ENO4: variants seen among roughly 807,000 people sequenced by gnomAD.
ENO4 encodes the protein 2-phospho-D-glycerate hydro-lyase.
A neutral mutation model predicts 63.2 loss-of-function variants in ENO4; 53 were observed. The observed-to-expected ratio is 0.84, with a 90% CI of 0.67 to 1.05. The LOEUF (loss-of-function observed/expected upper bound fraction) is 1.05, where lower values mean the gene tolerates loss of function less well. ENO4 is among the 50% of genes least tolerant of loss of function. The pLI, the probability that ENO4 is intolerant of heterozygous loss-of-function variation, is 0.00. For missense variants in ENO4, 719 were observed against 772.0 expected (o/e 0.93, Z 0.81); for synonymous variants, 266 against 283.8 (o/e 0.94, Z 0.63).
In ENO4 at chr10:116,861,130, G is replaced by A. The variant is rs1846397861; in HGVS notation, c.876G>A (p.Gly292=). 1.3e-6 allele frequency: 2 copies of A among 1,546,882 alleles called. No homozygotes were observed. Among genetic ancestry groups the A allele is most frequent in the Non-Finnish European group, 1.7e-6 (2 of 1,144,970 alleles). Residue 292 remains glycine (G), a synonymous_variant, in exon 6 of 14, where the codon GGG becomes GGA. Transcript: ENST00000341276. The part of the protein sequence containing the change: ...SLVSCGKSSS[G]KLNLMKEVIC... ...TCAGCTGTGGGAAGTCATCATCTGG[G>A]AAGCTAAATTTAATGAAAGAAGTGA...
intron 10 of ENO4, chr10:116,906,816 T>G: frequency 7.9e-7 from 1 of 1,273,746 alleles, no homozygotes; most frequent in Non-Finnish European, 1.1e-6. Context: ...AATATAAAAA[T>G]CAAACCATGA....
At chr10:116,901,233 T>C (rs2133323368) in intron 10 of ENO4, 1 of 985,160 alleles carries the variant, frequency 1.0e-6, no homozygotes, top group East Asian at 1.1e-4. Flanking sequence ...ATAGCAGGAT[T>C]AACTCTTTGA....
intron 10 of ENO4, among the ~76,000 whole-genome samples, chr10:116,905,126 C>T (rs1234709264): frequency 1.5e-4 from 22 of 148,706 alleles, no homozygotes; most frequent in Admixed American, 1.2e-3. Context: ...GCGTTGAACC[C>T]GGGAAGCGGA....
At chr10:116,882,761 T>C (rs892173461), downstream of ENO4, 4 of 152,272 alleles carry the variant, frequency 2.6e-5, no homozygotes, top group Non-Finnish European at 5.9e-5. Flanking sequence ...AAAGCTATGA[T>C]TTGAAACTGG....
At chr10:116,862,735 T>C (rs767336365) in intron 6 of ENO4, 64 bp from the exon 7 acceptor site, 12 of 1,233,778 alleles carry the variant, frequency 9.7e-6, no homozygotes, top group Non-Finnish European at 1.4e-5. Context: ...CCACGTGTTA[T>C]AAGTTTTTAT....
intron 12 of ENO4, 145 bp from the exon 13 acceptor site, chr10:116,879,724 C>T (rs1846944580): frequency 3.0e-6 from 2 of 659,950 alleles, no homozygotes; most frequent in Admixed American, 3.0e-5. Context: ...GCTTGTAGGC[C>T]ACTGTGCTTA....
chr10:116,893,654 A>T (rs148693062), intron 10 of ENO4, among the ~76,000 whole-genome samples: 52 of 148,982 alleles, frequency 3.5e-4, no homozygotes, highest in African/African-American at 1.2e-3. Flanking sequence ...GGGAGTATCT[A>T]TCAGGAACAA....
chr10:116,911,585 A>C (rs1186539754), exon 11 of ENO4: 5 of 1,551,056 alleles, frequency 3.2e-6, no homozygotes, highest in Non-Finnish European at 4.4e-6. Flanking sequence ...ACTCTTTTAG[A>C]ACAAAAACAG....
chr10:116,867,581 C>G (rs892145327), intron 7 of ENO4, among the ~76,000 whole-genome samples: 2 of 152,028 alleles, frequency 1.3e-5, no homozygotes, highest in African/African-American at 4.8e-5. Context: ...AGAGTGAGAC[C>G]CTGTCTTTAA....
At chr10:116,911,690 G>C in exon 11 of ENO4, 3 of 1,578,026 alleles carry the variant, frequency 1.9e-6, no homozygotes, top group Non-Finnish European at 1.7e-6. Flanking sequence ...ATTGTAAATG[G>C]GAATAAAACA....
In ENO4 at chr10:116,871,176, G is replaced by C. The variant is rs1846685820; in HGVS notation, c.1099G>C (p.Asp367His). ...SHLGCLTINC[D>H]SIEQPLLLIQ... is the part of the protein sequence containing the mutation. Reference sequence around the variant, plus strand: ...TCTTGGCTGTTTAACCATTAACTGTGACTCCATAGAACAGCCACTGCTTCT... The same window carrying C: ...TCTTGGCTGTTTAACCATTAACTGTCACTCCATAGAACAGCCACTGCTTCT... Residue 367 changes from aspartate to histidine, a missense_variant, in exon 9 of 14, where the codon GAC becomes CAC. Coordinates refer to ENST00000341276, the MANE Select transcript of ENO4 (RefSeq NM_001242699.2). 1 of 1,550,286 alleles carries C rather than the reference G, an allele frequency of 6.5e-7. No homozygotes were observed. The highest frequency in any genetic ancestry group is 1.4e-5 in the African/African-American group (1 of 73,016).
intron 9 of ENO4, among the ~76,000 whole-genome samples, chr10:116,873,438 GC>G (rs1297744544): frequency 6.6e-6 from 1 of 152,134 alleles, no homozygotes; most frequent in Admixed American, 6.5e-5. Context: ...AGATCCTTCA[GC>G]CCTGTTTACT....
chr10:116,904,909 A>T (rs1198214916), intron 10 of ENO4, among the ~76,000 whole-genome samples: 2 of 152,218 alleles, frequency 1.3e-5, no homozygotes, highest in Non-Finnish European at 2.9e-5. Context: ...GTCCTTAAAA[A>T]TAGCAGTGTT....
At chr10:116,851,988 G>T (rs1347270309) in intron 1 of ENO4, among the ~76,000 whole-genome samples, 2 of 152,056 alleles carry the variant, frequency 1.3e-5, no homozygotes, top group Non-Finnish European at 2.9e-5. Flanking sequence ...ACCTCATCTT[G>T]AATTGTACTG....
intron 8 of ENO4, among the ~76,000 whole-genome samples, chr10:116,869,427 C>T (rs1000859645): frequency 2.0e-5 from 3 of 152,152 alleles, no homozygotes; most frequent in Non-Finnish European, 2.9e-5. Flanking sequence ...ATCTTTGCCC[C>T]ACCCTGATGT....
intron 10 of ENO4, among the ~76,000 whole-genome samples, chr10:116,891,009 A>C (rs1847327540): frequency 6.6e-6 from 1 of 152,252 alleles, no homozygotes; most frequent in African/African-American, 2.4e-5. Context: ...GCTGCAATTC[A>C]AATTAACTAA....
chr10:116,855,576 A>C, intron 1 of ENO4, 47 bp from the exon 2 acceptor site: 1 of 1,535,176 alleles, frequency 6.5e-7, no homozygotes, highest in South Asian at 1.2e-5. Flanking sequence ...TTTTCCCCAA[A>C]CAACAACTTG....
At chr10:116,906,532 A>G in intron 10 of ENO4, 1 of 1,264,786 alleles carries the variant, frequency 7.9e-7, no homozygotes. Context: ...TATTTTAATA[A>G]TACTTTTTAA....
At chr10:116,878,653 G>A (rs981111619) in intron 11 of ENO4, among the ~76,000 whole-genome samples, 2 of 151,702 alleles carry the variant, frequency 1.3e-5, no homozygotes, top group African/African-American at 4.8e-5. Context: ...TTATAGCCGC[G>A]GTCTTAGAAA....
Sources: gnomAD v4.1 joint callset for allele counts (sites outside exome capture counted in the v4.1 genomes callset) on GRCh38, gnomAD v4.1.1 for gene constraint, MANE v1.5 for transcripts, NCBI Gene and HGNC (gene_info 2026-07-23, HGNC 2026-07-21) for gene names.